SYBU: variants seen among roughly 807,000 people sequenced by gnomAD.
SYBU encodes GOLSYN A protein.
A neutral mutation model predicts 35.9 loss-of-function variants in SYBU; 21 were observed. That is an observed-to-expected ratio of 0.58 (90% confidence interval 0.41 to 0.84). SYBU has a LOEUF of 0.84. SYBU is among the 40% of genes least tolerant of loss of function. SYBU has a pLI of 0.00. For missense variants in SYBU, 768 were observed against 848.2 expected (o/e 0.91, Z 1.17); for synonymous variants, 319 against 324.3 (o/e 0.98, Z 0.18).
At chr8:109,644,996 C>T (rs572164199), upstream of SYBU, 2 of 493,216 alleles carry the variant, frequency 4.1e-6, no homozygotes, top group Admixed American at 3.0e-5. Flanking sequence ...CCGCGCCCCC[C>T]CAGCCAGAGC....
chr8:109,651,867 G>C (rs1285753474), intron 1 of SYBU, among the ~76,000 whole-genome samples: 1 of 152,070 alleles, frequency 6.6e-6, no homozygotes, highest in Non-Finnish European at 1.5e-5. Flanking sequence ...GTTTTCTCTC[G>C]ATGACTTATG....
intron 1 of SYBU, among the ~76,000 whole-genome samples, chr8:109,676,341 C>T (rs1206113974): frequency 6.6e-6 from 1 of 152,138 alleles, no homozygotes; most frequent in East Asian, 1.9e-4. Context: ...GAGAGGAAGT[C>T]AAATTGTCTC....
At chr8:109,687,033 G>A (rs189607593) in intron 1 of SYBU, among the ~76,000 whole-genome samples, 18 of 152,102 alleles carry the variant, frequency 1.2e-4, no homozygotes, top group African/African-American at 3.4e-4. Context: ...TGCAAAAAAC[G>A]GAAAAATCTA....
chr8:109,615,045 A>C (rs922417326), intron 3 of SYBU, among the ~76,000 whole-genome samples: 2 of 152,174 alleles, frequency 1.3e-5, no homozygotes, highest in African/African-American at 4.8e-5. Context: ...AGGGAACATT[A>C]TTAGCTCTTT....
chr8:109,575,977 G>A lies in SYBU; in HGVS notation c.921C>T (p.Ala307=). The A allele has an allele frequency of 1.2e-6, 2 of 1,608,674 alleles. No homozygotes were observed. Among genetic ancestry groups the A allele is most frequent in the Non-Finnish European group, 1.7e-6 (2 of 1,179,686 alleles). Reference sequence around the variant, plus strand: ...CCTCAATCCAGTCCTCTCGCATGCGGGCCAGCTGGGACTTAAGCTCCACGA... The same window carrying A: ...CCTCAATCCAGTCCTCTCGCATGCGAGCCAGCTGGGACTTAAGCTCCACGA... The part of the protein sequence containing the change: ...SEIVELKSQL[A]RMREDWIEEE... Residue 307 remains alanine, a synonymous_variant, in exon 7 of 7, where the codon GCC becomes GCT. Transcript: ENST00000276646.
chr8:109,610,551 A>G (rs1811061749), intron 3 of SYBU, among the ~76,000 whole-genome samples: 1 of 152,206 alleles, frequency 6.6e-6, no homozygotes, highest in Non-Finnish European at 1.5e-5. Context: ...CTGCTGAAGC[A>G]TTACTCCACT....
intron 2 of SYBU, among the ~76,000 whole-genome samples, chr8:109,626,368 A>G (rs563988455): frequency 2.0e-5 from 3 of 152,298 alleles, no homozygotes; most frequent in Admixed American, 6.5e-5. Flanking sequence ...ACTTTCATTT[A>G]AATTAAATCT....
At chr8:109,591,678 A>AT (rs560004385) in intron 3 of SYBU, among the ~76,000 whole-genome samples, 93 of 150,020 alleles carry the variant, frequency 6.2e-4, no homozygotes, top group African/African-American at 2.2e-3. Context: ...CGCCCGGCTA[A>AT]TTTTTTTGTA....
At chr8:109,605,713 C>T (rs996578386) in intron 3 of SYBU, among the ~76,000 whole-genome samples, 2 of 152,160 alleles carry the variant, frequency 1.3e-5, no homozygotes, top group East Asian at 3.8e-4. Context: ...AGATGTCACA[C>T]AGAATTAGTG....
At chr8:109,621,027 TTA>T (rs1332401425) in intron 2 of SYBU, among the ~76,000 whole-genome samples, 1 of 152,226 alleles carries the variant, frequency 6.6e-6, no homozygotes, top group African/African-American at 2.4e-5. Flanking sequence ...CATTATTTCC[TTA>T]TGAGTCAGTT....
chr8:109,580,289 T>C (rs973667829), intron 4 of SYBU: 5 of 314,506 alleles, frequency 1.6e-5, no homozygotes, highest in African/African-American at 6.2e-5. Flanking sequence ...ACATACACAA[T>C]GTAGAATATT....
chr8:109,644,822 TG>T, upstream of SYBU: 1 of 701,412 alleles, frequency 1.4e-6, no homozygotes, highest in Non-Finnish European at 2.1e-6. Context: ...CCGATTGCTC[TG>T]GGCTCCGAGG....
In SYBU at chr8:109,588,717, G is replaced by A. The variant is rs547812538; in HGVS notation, c.428-2555C>T. Among the ~76,000 whole-genome samples, 9 of 135,944 alleles carry A rather than the reference G, an allele frequency of 6.6e-5. No individual in the cohort carries two copies. The East Asian group carries it at 1.3e-3, about 19-fold the overall frequency. 89.2% of individuals were successfully genotyped at this position (135,944 alleles called of 152,430 possible). On this transcript the variant is annotated intron_variant, in intron 3 of 6. Coordinates refer to ENST00000276646, the MANE Select transcript of SYBU (RefSeq NM_001099754.2). Reference sequence around the variant, plus strand: ...AGACCTAATCACACCCCCCGCCCCCGCCGCCATTTATCTATTAGTTGGCAA... The same window carrying A: ...AGACCTAATCACACCCCCCGCCCCCACCGCCATTTATCTATTAGTTGGCAA...
At chr8:109,681,322 T>G (rs546996920), upstream of SYBU, among the ~76,000 whole-genome samples, 1 of 152,260 alleles carries the variant, frequency 6.6e-6, no homozygotes, top group South Asian at 2.1e-4. Context: ...TTAAGCTTAG[T>G]ATAATGGGAT....
intron 2 of SYBU, among the ~76,000 whole-genome samples, chr8:109,630,197 C>G (rs1361873162): frequency 6.9e-6 from 1 of 144,930 alleles, no homozygotes; most frequent in African/African-American, 2.6e-5. Context: ...ACCGCATATT[C>G]TCACTCATAG....
rs753960582 is a variant in SYBU, at chr8:109,575,084, C to T, written c.1814G>A (p.Ser605Asn). Reference protein sequence around the residue: ...RGGVVRQYWSSSFLVDLLAVA... With the variant: ...RGGVVRQYWSNSFLVDLLAVA... Reference sequence around the variant, plus strand: ...AGCCAGGAGATCCACCAGGAAGCTGCTGCTCCAGTACTGCCTCACGACGCC... The same window carrying T: ...AGCCAGGAGATCCACCAGGAAGCTGTTGCTCCAGTACTGCCTCACGACGCC... The change falls in exon 7 of 7, where the codon AGC becomes AAC. Residue 605 changes from serine to asparagine, a missense_variant. Coordinates refer to ENST00000276646, the MANE Select transcript of SYBU (RefSeq NM_001099754.2). 1.9e-6 allele frequency: 3 copies of T among 1,609,520 alleles called. No individual in the cohort carries two copies. The Admixed American group carries it at 5.0e-5, about 27-fold the overall frequency.
intron 1 of SYBU, among the ~76,000 whole-genome samples, chr8:109,660,079 A>G (rs1343467653): frequency 6.6e-6 from 1 of 152,194 alleles, no homozygotes; most frequent in Non-Finnish European, 1.5e-5. Flanking sequence ...ATTTAGCTTA[A>G]TTTATTTTAA....
chr8:109,599,629 A>G (rs1341432173), intron 3 of SYBU, among the ~76,000 whole-genome samples: 9 of 152,138 alleles, frequency 5.9e-5, no homozygotes. Context: ...ACCTGAGGCC[A>G]TCATCATTTC....
chr8:109,585,938 A>C, intron 4 of SYBU, 122 bp downstream of exon 4: 1 of 701,586 alleles, frequency 1.4e-6, no homozygotes, highest in Non-Finnish European at 2.4e-6. Context: ...AAACAAAACA[A>C]AAAGCCTCAC....
Sources: gnomAD v4.1 joint callset for allele counts (sites outside exome capture counted in the v4.1 genomes callset) on GRCh38, gnomAD v4.1.1 for gene constraint, MANE v1.5 for transcripts, NCBI Gene and HGNC (gene_info 2026-07-23, HGNC 2026-07-21) for gene names.